The following ST7 variants were observed in gnomAD, a reference collection of about 807,000 sequenced individuals.
ST7 encodes the protein suppressor of tumorigenicity 7 protein.
A neutral mutation model predicts 78.7 loss-of-function variants in ST7; 28 were observed. The ratio of observed to expected loss-of-function variants is 0.36; its 90% CI spans 0.26 to 0.49. ST7 has a LOEUF of 0.49. ST7 is among the 20% of genes least tolerant of loss of function. The pLI is 0.99. For synonymous variants in ST7, 247 were observed against 249.6 expected (o/e 0.99, Z 0.10); for missense variants, 418 against 696.0 (o/e 0.60, Z 4.49).
At position 117,230,112 on chromosome 7, in the gene ST7, A is replaced by G; in HGVS notation, c.*255A>G. On this transcript the variant is annotated 3_prime_UTR_variant, in exon 16 of 16. Coordinates refer to ENST00000323984, the MANE Select transcript of ST7 (RefSeq NM_001369598.1). ...TTTGTGTATTACAGCAATCATTTGT[A>G]TCCTCCTGTGTCTTCCAACCCTAAA... The G allele has an allele frequency of 1.6e-6, 1 of 637,750 alleles. No individual in the cohort carries two copies. Among genetic ancestry groups the G allele is most frequent in the Non-Finnish European group, 2.9e-6 (1 of 343,356 alleles). 39.5% of individuals were successfully genotyped at this position (637,750 alleles called of 1,614,324 possible).
At chr7:116,989,094 TG>T (rs1794312755) in intron 1 of ST7, among the ~76,000 whole-genome samples, 1 of 152,238 alleles carries the variant, frequency 6.6e-6, no homozygotes, top group Admixed American at 6.5e-5. Context: ...AATCAATTTT[TG>T]TACTGCCTTT....
At chr7:117,014,447 A>T (rs527899589) in intron 1 of ST7, among the ~76,000 whole-genome samples, 1 of 152,342 alleles carries the variant, frequency 6.6e-6, no homozygotes, top group African/African-American at 2.4e-5. Context: ...TATGCTATAA[A>T]GGACTGTTCT....
chr7:116,956,954 G>A (rs1792536076), intron 1 of ST7: 1 of 227,930 alleles, frequency 4.4e-6, no homozygotes, highest in African/African-American at 2.3e-5. Flanking sequence ...CTCAGAGGTG[G>A]ACCTCCCAAA....
At chr7:117,122,508 T>C (rs1407965925) in intron 3 of ST7, among the ~76,000 whole-genome samples, 1 of 152,212 alleles carries the variant, frequency 6.6e-6, no homozygotes, top group Non-Finnish European at 1.5e-5. Flanking sequence ...TCAATGATAA[T>C]ATTATCTACC....
chr7:117,072,723 C>A (rs1799052231), intron 1 of ST7: 1 of 152,198 alleles, frequency 6.6e-6, no homozygotes, highest in Non-Finnish European at 1.5e-5. Flanking sequence ...AGTTTAATTA[C>A]CACCTATTGA....
intron 6 of ST7, among the ~76,000 whole-genome samples, chr7:117,132,559 A>G (rs1804448977): frequency 6.6e-6 from 1 of 151,794 alleles, no homozygotes; most frequent in Non-Finnish European, 1.5e-5. Flanking sequence ...AAGGTCACTT[A>G]GCTGAACCAC....
intron 1 of ST7, among the ~76,000 whole-genome samples, chr7:117,071,453 T>C (rs1425977120): frequency 1.3e-5 from 2 of 152,228 alleles, no homozygotes; most frequent in African/African-American, 4.8e-5. Context: ...GAACTTACAC[T>C]TGAAGGAGTC....
At chr7:117,041,655 T>C (rs1458185684) in intron 1 of ST7, among the ~76,000 whole-genome samples, 1 of 152,116 alleles carries the variant, frequency 6.6e-6, no homozygotes. Flanking sequence ...CTGCATAGGG[T>C]ATTTCAATAA....
rs35970973 is a variant in ST7 at position 117,096,067 on chromosome 7, C to CAAAAAA, written c.152-3669_152-3664dup. Reference sequence around the variant, plus strand: ...TGGGCAACAGAGCGAGATTCTGCCTCAAAAAAAAAAAAAAAAAAAAAAAAA... The same window carrying CAAAAAA: ...TGGGCAACAGAGCGAGATTCTGCCTCAAAAAAAAAAAAAAAAAAAAAAAAAAAAAAA... On this transcript the variant is annotated intron_variant, in intron 1 of 15. Coordinates refer to ENST00000323984, the MANE Select transcript of ST7 (RefSeq NM_001369598.1). Among the ~76,000 whole-genome samples the CAAAAAA allele has an allele frequency of 6.2e-4, 22 of 35,708 alleles. 1 individual carries two copies. The highest frequency in any genetic ancestry group is 1.2e-3 in the East Asian group (1 of 844). The allele number at this position is 35,708 out of a possible 152,430, so 23.4% of individuals were successfully genotyped here.
At position 117,049,926 on chromosome 7, in the gene ST7, C is replaced by T. The variant is rs1165271077; in HGVS notation, c.152-49836C>T. 4.6e-5 allele frequency among the ~76,000 whole-genome samples: 7 copies of T among 151,700 alleles called. No individual in the cohort carries two copies. In the South Asian group the frequency reaches 1.3e-3, roughly 27 times the overall value. On this transcript the variant is annotated intron_variant, in intron 1 of 15. Coordinates refer to ENST00000323984, the MANE Select transcript of ST7 (RefSeq NM_001369598.1). Reference sequence around the variant, plus strand: ...GTGATGAAAAATATGCCAGACCTGGCCGGGCCTGGTGGCTCAACGCCTGTA... The same window carrying T: ...GTGATGAAAAATATGCCAGACCTGGTCGGGCCTGGTGGCTCAACGCCTGTA...
At chr7:117,070,666 G>C (rs1798889590) in intron 1 of ST7, among the ~76,000 whole-genome samples, 1 of 151,844 alleles carries the variant, frequency 6.6e-6, no homozygotes. Context: ...TCAGCGTCCG[G>C]AGTAGCTGGG....
chr7:117,216,697 A>G (rs1210726969), intron 13 of ST7, among the ~76,000 whole-genome samples: 1 of 152,146 alleles, frequency 6.6e-6, no homozygotes, highest in Non-Finnish European at 1.5e-5. Flanking sequence ...CCTGCACTGC[A>G]GGGTGGGTAA....
chr7:117,093,790 TTATC>T (rs772462270), intron 1 of ST7, among the ~76,000 whole-genome samples: 3 of 152,234 alleles, frequency 2.0e-5, no homozygotes, highest in Admixed American at 6.5e-5. Flanking sequence ...ATTAGGCACT[TTATC>T]TACAATATTA....
chr7:117,219,029 G>C lies in ST7; in HGVS notation c.1406-55G>C. 6.9e-7 allele frequency: 1 copy of C among 1,449,754 alleles called. No individual in the cohort carries two copies. Among genetic ancestry groups the C allele is most frequent in the Non-Finnish European group, 9.5e-7 (1 of 1,048,138 alleles). 89.8% of individuals were successfully genotyped at this position (1,449,754 alleles called of 1,614,324 possible). On this transcript the variant is annotated intron_variant, in intron 13 of 15. Transcript: ENST00000323984. This position sits in a 1 kb window ranked among gnomAD's most constrained non-coding sequence, Gnocchi z 5.1. ...TGCTCAAACGCCCCTTTTTGCAGTT[G>C]GGAAGTTATGACACAAACATTGGAC... is the stretch of plus-strand genomic sequence containing the variant.
At chr7:117,181,137 A>G (rs537566965) in intron 10 of ST7, among the ~76,000 whole-genome samples, 2 of 152,304 alleles carry the variant, frequency 1.3e-5, no homozygotes, top group East Asian at 1.9e-4. Context: ...GTCCCAATAG[A>G]TAAAAGTGTA....
chr7:117,047,606 T>C (rs1797557618), intron 1 of ST7, among the ~76,000 whole-genome samples: 1 of 152,216 alleles, frequency 6.6e-6, no homozygotes, highest in African/African-American at 2.4e-5. Flanking sequence ...GTTAGATAGC[T>C]TCCTAGGCTG....
intron 3 of ST7, among the ~76,000 whole-genome samples, chr7:117,121,180 C>T (rs926397865): frequency 2.6e-5 from 4 of 152,190 alleles, no homozygotes; most frequent in Non-Finnish European, 5.9e-5. Context: ...CAGTTATCCA[C>T]CACTGCTCAT....
At chr7:117,099,680 A>C in intron 1 of ST7, 82 bp from the exon 2 acceptor site, 1 of 934,278 alleles carries the variant, frequency 1.1e-6, no homozygotes, top group Admixed American at 2.6e-5. Context: ...ATTTTACCAG[A>C]GAGAAAAATG....
intron 15 of ST7, among the ~76,000 whole-genome samples, chr7:117,228,479 C>T (rs184480407): frequency 1.8e-4 from 28 of 152,296 alleles, no homozygotes; most frequent in East Asian, 5.8e-4. Context: ...CCAAATTTTA[C>T]GCTGTCTTGA....
Sources: allele counts gnomAD v4.1 joint callset (sites outside exome capture counted in the v4.1 genomes callset), GRCh38; gene constraint gnomAD v4.1.1; non-coding constraint Gnocchi (gnomAD v3.1); transcripts MANE v1.5; gene names NCBI Gene and HGNC (gene_info 2026-07-23, HGNC 2026-07-21).